Variants in F5 observed in about 807,000 individuals in gnomAD.
F5 encodes coagulation factor V.
Under a neutral mutation model 216.4 loss-of-function variants are expected in F5, and 138 were observed. That is an observed-to-expected ratio of 0.64 (90% CI 0.56 to 0.73). F5 has a LOEUF of 0.73. F5 is among the 30% of genes least tolerant of loss of function. F5 has a pLI of 0.00. For synonymous variants in F5, 916 were observed against 930.7 expected (o/e 0.98, Z 0.29); for missense variants, 2,403 against 2,674.0 (o/e 0.90, Z 2.24).
chr1:169,516,324 C>T (rs1230465998), intron 23 of F5, among the ~76,000 whole-genome samples: 6 of 152,138 alleles, frequency 3.9e-5, no homozygotes, highest in Non-Finnish European at 8.8e-5. Context: ...GGAGAAAGAT[C>T]AGAAGGTCTA....
chr1:169,546,236 C>A (rs2101822594), intron 11 of F5, among the ~76,000 whole-genome samples: 1 of 152,124 alleles, frequency 6.6e-6, no homozygotes, highest in Middle Eastern at 3.4e-3. Flanking sequence ...AAACGCATTT[C>A]TAAGGATGTG....
chr1:169,550,270 T>TCC (rs1272186330), intron 9 of F5, among the ~76,000 whole-genome samples: 57 of 88,970 alleles, frequency 6.4e-4, no homozygotes, highest in Admixed American at 1.3e-3. Context: ...CCTAATGCTA[T>TCC]CCCTCCCCCC....
chr1:169,524,694 G>A (rs1415420898), intron 19 of F5, 143 bp downstream of exon 19: 2 of 747,176 alleles, frequency 2.7e-6, no homozygotes, highest in Non-Finnish European at 4.7e-6. Context: ...TACCCCAAAT[G>A]GAGCTGCTTC....
rs1401030517 is a variant in F5 at position 169,540,320 on chromosome 1, G to A, written c.4770C>T (p.Ser1590=). 6.2e-7 allele frequency: 1 copy of A among 1,613,852 alleles called. No homozygotes were observed. The highest frequency in any genetic ancestry group is 1.1e-5 in the South Asian group (1 of 91,074). Residue 1590 remains serine, a synonymous_variant, in exon 13 of 25, where the codon TCC becomes TCT. Coordinates refer to ENST00000367797, the MANE Select transcript of F5 (RefSeq NM_000130.5). ...RNYYIAAEEI[S]WDYSEFVQRE... Reference sequence around the variant, plus strand: ...TTTGTACAAATTCTGAATAATCCCAGGATATTTCTTCAGCAGCAATGTAAT... The same window carrying A: ...TTTGTACAAATTCTGAATAATCCCAAGATATTTCTTCAGCAGCAATGTAAT...
chr1:169,541,636 C>T lies in F5; in HGVS notation c.3454G>A (p.Glu1152Lys), dbSNP rs1287324408. ...SDPSHRSSSP[E>K]LSEMLEYDRS... is the part of the protein sequence containing the mutation. ...TCATACTCAAGCATTTCACTGAGCT[C>T]TGGAGAAGAGGATCTGTGACTGGGG... The change falls in exon 13 of 25, where the codon GAG becomes AAG. Residue 1152 changes from glutamate to lysine, a missense_variant. By Grantham distance (56) the Glu-to-Lys change is moderately conservative. This residue lies in a region of F5 where 1,425 missense variants were observed against 1,554.8 expected (regional missense o/e 0.92). Coordinates refer to ENST00000367797, the MANE Select transcript of F5 (RefSeq NM_000130.5). 2 of 1,614,000 alleles carry T rather than the reference C, an allele frequency of 1.2e-6. No individual in the cohort carries two copies. Among genetic ancestry groups the T allele is most frequent in the African/African-American group, 2.7e-5 (2 of 74,922 alleles).
intron 22 of F5, among the ~76,000 whole-genome samples, chr1:169,518,960 A>C (rs554013395): frequency 1.6e-4 from 24 of 152,320 alleles, no homozygotes; most frequent in African/African-American, 5.8e-4. Context: ...ATATATAAAA[A>C]TACTCTGTTT....
At chr1:169,564,749 C>T (rs954029214) in intron 3 of F5, among the ~76,000 whole-genome samples, 1 of 152,034 alleles carries the variant, frequency 6.6e-6, no homozygotes, top group Non-Finnish European at 1.5e-5. Context: ...ACTCAAAACG[C>T]TTTGCATGAG....
intron 10 of F5, among the ~76,000 whole-genome samples, chr1:169,547,464 A>C (rs1660038843): frequency 6.6e-6 from 1 of 152,232 alleles, no homozygotes; most frequent in Non-Finnish European, 1.5e-5. Flanking sequence ...TCTAATATGG[A>C]GCATTTATAA....
In F5 at chr1:169,552,586, T is replaced by C; in HGVS notation, c.1267A>G (p.Ile423Val). Residue 423 changes from isoleucine to valine, a missense_variant, in exon 8 of 25, where the codon ATC becomes GTC. Around this residue, in one of 4 missense-constraint regions of F5, gnomAD observed 1,425 missense variants for 1,554.8 expected, o/e 0.92. Transcript: ENST00000367797. ...AGTGTGTCTCTGACCTGGGCTCTGATAATAGGACCCAAAATCCCATCTTCT... is the reference window on the plus strand; with the variant it reads ...AGTGTGTCTCTGACCTGGGCTCTGACAATAGGACCCAAAATCCCATCTTCT... ...MKEDGILGPIIRAQVRDTLKI... is the reference protein window; with the variant it reads ...MKEDGILGPIVRAQVRDTLKI... The C allele has an allele frequency of 6.2e-7, 1 of 1,613,814 alleles. No individual in the cohort carries two copies. The highest frequency in any genetic ancestry group is 8.5e-7 in the Non-Finnish European group (1 of 1,179,820).
At position 169,576,017 on chromosome 1, in the gene F5, G is replaced by A. The variant is rs1264506340; in HGVS notation, c.251-3674C>T. Among the ~76,000 whole-genome samples the A allele has an allele frequency of 8.5e-5, 13 of 152,058 alleles. 1 individual carries two copies. The highest frequency in any genetic ancestry group is 8.5e-4 in the Admixed American group (13 of 15,270). ...GAGCTTGGAAGATGCTACTCAGCTG[G>A]TTTTGAAGATGGAGGAAGGGGCCAT... On this transcript the variant is annotated intron_variant, in intron 2 of 24. Coordinates refer to ENST00000367797, the MANE Select transcript of F5 (RefSeq NM_000130.5).
At chr1:169,523,400 C>T in intron 20 of F5, 48 bp from the exon 21 acceptor site, 1 of 1,603,110 alleles carries the variant, frequency 6.2e-7, no homozygotes, top group Non-Finnish European at 8.5e-7. Flanking sequence ...GTCAACAAGT[C>T]ACACACTGCC....
chr1:169,515,311 C>T, intron 24 of F5, 133 bp downstream of exon 24: 1 of 1,108,724 alleles, frequency 9.0e-7, no homozygotes. Flanking sequence ...AGACCAGGCA[C>T]CTTAAGAACT....
intron 11 of F5, among the ~76,000 whole-genome samples, chr1:169,545,098 C>T (rs1031592074): frequency 6.6e-6 from 1 of 152,176 alleles, no homozygotes; most frequent in African/African-American, 2.4e-5. Context: ...TCTACAAGGG[C>T]AGGGCTCATG....
intron 14 of F5, among the ~76,000 whole-genome samples, chr1:169,531,403 A>T (rs1659593881): frequency 6.6e-6 from 1 of 152,242 alleles, no homozygotes; most frequent in Non-Finnish European, 1.5e-5. Context: ...TCTGGAGACA[A>T]CAGGTGCTAT....
At chr1:169,525,766 AGCAATTATG>A in intron 18 of F5, 126 bp downstream of exon 18, 1 of 749,354 alleles carries the variant, frequency 1.3e-6, no homozygotes, top group Non-Finnish European at 2.4e-6. Flanking sequence ...CCGGAATAAA[AGCAATTATG>A]GCTACAAATT....
At chr1:169,569,521 G>T (rs1168014655) in intron 3 of F5, among the ~76,000 whole-genome samples, 4 of 151,978 alleles carry the variant, frequency 2.6e-5, no homozygotes, top group African/African-American at 9.7e-5. Flanking sequence ...TTGCTCAAAG[G>T]TGCAGCATTG....
chr1:169,536,944 T>G (rs1339483357), intron 13 of F5, among the ~76,000 whole-genome samples: 1 of 151,952 alleles, frequency 6.6e-6, no homozygotes, highest in East Asian at 1.9e-4. Context: ...CTCATATTTC[T>G]ATAGTATTAT....
chr1:169,537,312 C>T (rs2101815641), intron 13 of F5, among the ~76,000 whole-genome samples: 1 of 152,280 alleles, frequency 6.6e-6, no homozygotes, highest in East Asian at 1.9e-4. Flanking sequence ...ATTAGAAGGT[C>T]ACACTTATGA....
intron 2 of F5, among the ~76,000 whole-genome samples, chr1:169,577,896 C>A (rs1660900366): frequency 6.6e-6 from 1 of 151,954 alleles, no homozygotes; most frequent in African/African-American, 2.4e-5. Flanking sequence ...CTAACAACAA[C>A]AATAGTTCAT....
Sources: allele counts gnomAD v4.1 joint callset (sites outside exome capture counted in the v4.1 genomes callset), GRCh38; gene constraint gnomAD v4.1.1; regional missense constraint gnomAD v4.1.1; transcripts MANE v1.5; gene names NCBI Gene and HGNC (gene_info 2026-07-23, HGNC 2026-07-21).